Variants in SPOCK1 observed in about 807,000 individuals in gnomAD.
SPOCK1 encodes testican-1.
In SPOCK1, 23 loss-of-function variants were observed where a neutral mutation model predicts 55.3. The ratio of observed to expected loss-of-function variants is 0.42; its 90% confidence interval spans 0.30 to 0.59. The LOEUF is 0.59. Ranked by LOEUF, SPOCK1 falls within the 20% of genes least tolerant of loss-of-function variation. The pLI is 0.22. For missense variants in SPOCK1, 499 were observed against 552.5 expected, an observed-to-expected ratio of 0.90 and a Z score of 0.97; for synonymous variants, 226 against 221.0, an observed-to-expected ratio of 1.02 and a Z score of -0.20.
chr5:137,270,503 G>A (rs952082155), intron 2 of SPOCK1, among the ~76,000 whole-genome samples: 8 of 152,138 alleles, frequency 5.3e-5, no homozygotes, highest in Non-Finnish European at 8.8e-5. Flanking sequence ...GACAGAGAAC[G>A]GTCTTGCTGT....
At chr5:137,135,235 A>G (rs1753958472) in intron 4 of SPOCK1, among the ~76,000 whole-genome samples, 1 of 152,202 alleles carries the variant, frequency 6.6e-6, no homozygotes, top group South Asian at 2.1e-4. Flanking sequence ...TCAATTTTCC[A>G]TTCTCCAAAT....
chr5:137,444,657 A>T (rs1753084300), intron 2 of SPOCK1, among the ~76,000 whole-genome samples: 1 of 152,190 alleles, frequency 6.6e-6, no homozygotes, highest in Admixed American at 6.5e-5. Context: ...ACACTCTTAG[A>T]AGCAAGTAAT....
intron 2 of SPOCK1, among the ~76,000 whole-genome samples, chr5:137,283,772 A>T (rs984079711): frequency 2.0e-5 from 3 of 152,154 alleles, no homozygotes; most frequent in African/African-American, 7.2e-5. Flanking sequence ...AGGGAATGAA[A>T]ATATTCTGCA....
At chr5:137,434,841 T>TG (rs1752826800) in intron 2 of SPOCK1, among the ~76,000 whole-genome samples, 3 of 152,244 alleles carry the variant, frequency 2.0e-5, no homozygotes, top group South Asian at 2.1e-4. Context: ...ATCAGTAGCC[T>TG]ACAGAATTTG....
chr5:137,333,164 C>A (rs1011182879), intron 2 of SPOCK1, among the ~76,000 whole-genome samples: 1 of 152,150 alleles, frequency 6.6e-6, no homozygotes, highest in African/African-American at 2.4e-5. Flanking sequence ...TCACTGAGCC[C>A]ACCAGGCAAA....
intron 3 of SPOCK1, among the ~76,000 whole-genome samples, chr5:137,205,986 T>C (rs892953043): frequency 7.2e-5 from 11 of 152,122 alleles, no homozygotes; most frequent in African/African-American, 2.7e-4. Context: ...AGGTCAAATA[T>C]CTACAATGGC....
intron 5 of SPOCK1, among the ~76,000 whole-genome samples, chr5:137,069,035 A>G (rs1396802880): frequency 6.6e-6 from 1 of 152,228 alleles, no homozygotes; most frequent in Non-Finnish European, 1.5e-5. Context: ...TAAATGAAAG[A>G]AAAGAGGAGA....
At chr5:137,012,856 T>C (rs1373899311) in intron 6 of SPOCK1, among the ~76,000 whole-genome samples, 2 of 152,182 alleles carry the variant, frequency 1.3e-5, no homozygotes, top group South Asian at 2.1e-4. Flanking sequence ...TAATGTCTAA[T>C]ATTAGGGGTT....
chr5:137,400,359 G>A (rs1390022339), intron 2 of SPOCK1, among the ~76,000 whole-genome samples: 1 of 152,162 alleles, frequency 6.6e-6, no homozygotes, highest in Non-Finnish European at 1.5e-5. Context: ...AAGACTATAG[G>A]AGTCTTCGCA....
intron 2 of SPOCK1, among the ~76,000 whole-genome samples, chr5:137,339,417 T>C (rs1750363679): frequency 6.6e-6 from 1 of 152,214 alleles, no homozygotes; most frequent in Non-Finnish European, 1.5e-5. Context: ...TAAATGTATA[T>C]ATAAAGGCCT....
chr5:137,096,622 T>C (rs992158306), intron 5 of SPOCK1, among the ~76,000 whole-genome samples: 2 of 152,212 alleles, frequency 1.3e-5, no homozygotes, highest in African/African-American at 4.8e-5. Flanking sequence ...AAATGAATCA[T>C]CACAGCACAT....
intron 5 of SPOCK1, among the ~76,000 whole-genome samples, chr5:137,110,682 A>C (rs1294173228): frequency 2.0e-5 from 3 of 152,226 alleles, no homozygotes. Flanking sequence ...GAAAGGCTAT[A>C]ATCTTGGACA....
At chr5:137,106,479 C>T (rs1444667006) in intron 5 of SPOCK1, among the ~76,000 whole-genome samples, 3 of 152,132 alleles carry the variant, frequency 2.0e-5, no homozygotes, top group Non-Finnish European at 4.4e-5. Flanking sequence ...GGAGGACTTG[C>T]AAGTCCCGCC....
At chr5:137,040,186 G>A (rs560671796) in intron 6 of SPOCK1, among the ~76,000 whole-genome samples, 31 of 152,322 alleles carry the variant, frequency 2.0e-4, no homozygotes, top group Middle Eastern at 3.4e-3. Context: ...AGGACCATCA[G>A]TATGAATTAG....
At chr5:137,106,360 C>T (rs1753367153) in intron 5 of SPOCK1, among the ~76,000 whole-genome samples, 1 of 152,102 alleles carries the variant, frequency 6.6e-6, no homozygotes, top group Non-Finnish European at 1.5e-5. Context: ...GGCAATCAGG[C>T]CCCCAGCAAG....
intron 3 of SPOCK1, among the ~76,000 whole-genome samples, chr5:137,232,902 T>G (rs1439943345): frequency 6.6e-6 from 1 of 152,236 alleles, no homozygotes; most frequent in Non-Finnish European, 1.5e-5. Flanking sequence ...AATTTGTATT[T>G]GTCAGTTGAA....
chr5:137,100,436 A>T, intron 5 of SPOCK1, among the ~76,000 whole-genome samples: 1 of 152,218 alleles, frequency 6.6e-6, no homozygotes, highest in East Asian at 1.9e-4. Flanking sequence ...ATGGTAGAAG[A>T]CAACGTGCAT....
At chr5:137,408,326 G>T (rs1043649352) in intron 2 of SPOCK1, among the ~76,000 whole-genome samples, 2 of 152,198 alleles carry the variant, frequency 1.3e-5, no homozygotes, top group African/African-American at 4.8e-5. Flanking sequence ...ATAGTCAGGA[G>T]TGGGGATGTG....
chr5:137,061,910 TC>T (rs1326917216), intron 6 of SPOCK1, among the ~76,000 whole-genome samples: 1 of 152,140 alleles, frequency 6.6e-6, no homozygotes, highest in Non-Finnish European at 1.5e-5. Flanking sequence ...CCTGCCACCA[TC>T]TTCAGGCTAA....
Sources: gnomAD v4.1 joint callset for allele counts (sites outside exome capture counted in the v4.1 genomes callset) on GRCh38, gnomAD v4.1.1 for gene constraint, MANE v1.5 for transcripts, NCBI Gene and HGNC (gene_info 2026-07-23, HGNC 2026-07-21) for gene names.